The following ADAM22 variants were observed in gnomAD, a reference collection of about 807,000 sequenced individuals.
ADAM22 encodes disintegrin and metalloproteinase domain-containing protein 22.
In ADAM22, 65 loss-of-function variants were observed where a neutral mutation model predicts 144.6. That is an observed-to-expected ratio of 0.45 (90% CI 0.37 to 0.55). The LOEUF is 0.55. ADAM22 is among the 20% of genes least tolerant of loss of function. ADAM22 has a pLI of 0.00. For synonymous variants in ADAM22, 391 were observed against 412.6 expected (o/e 0.95, Z 0.63); for missense variants, 974 against 1,184.9 (o/e 0.82, Z 2.61).
At chr7:87,972,292 G>A (rs1850654205) in intron 2 of ADAM22, among the ~76,000 whole-genome samples, 1 of 151,272 alleles carries the variant, frequency 6.6e-6, no homozygotes, top group African/African-American at 2.4e-5. Context: ...ACCAATAACA[G>A]ACAAACAGAG....
intron 5 of ADAM22, among the ~76,000 whole-genome samples, chr7:88,112,426 A>C (rs1486331725): frequency 6.6e-6 from 1 of 152,260 alleles, no homozygotes; most frequent in East Asian, 1.9e-4. Flanking sequence ...GACAAATACT[A>C]GTTTATGTTT....
intron 3 of ADAM22, among the ~76,000 whole-genome samples, chr7:88,001,644 G>A (rs1032995640): frequency 6.6e-6 from 1 of 151,950 alleles, no homozygotes; most frequent in African/African-American, 2.4e-5. Context: ...CAAAATGAGA[G>A]GATGGCATTT....
rs1348498072 is a variant in ADAM22, at chr7:88,039,956, C to A, written c.324-35670C>A. On this transcript the variant is annotated intron_variant, in intron 3 of 31. Coordinates refer to ENST00000413139, the MANE Select transcript of ADAM22 (RefSeq NM_001324418.2). ...CTCTCTAAATGTAGACATATCCAAGCCTGAGTCAGTGTCCTTTTCACTCTC... is the reference window on the plus strand; with the variant it reads ...CTCTCTAAATGTAGACATATCCAAGACTGAGTCAGTGTCCTTTTCACTCTC... Among the ~76,000 whole-genome samples the A allele has an allele frequency of 1.3e-5, 2 of 151,762 alleles. 1 individual carries two copies. The highest frequency in any genetic ancestry group is 2.9e-5 in the Non-Finnish European group (2 of 67,848).
chr7:88,148,823 A>T (rs1445666337), intron 17 of ADAM22, among the ~76,000 whole-genome samples, 154 bp from the exon 18 acceptor site: 2 of 152,098 alleles, frequency 1.3e-5, no homozygotes, highest in African/African-American at 4.8e-5. Context: ...TTAAAATAAA[A>T]TTTTTTTCAG....
intron 3 of ADAM22, among the ~76,000 whole-genome samples, chr7:88,001,200 T>C (rs1792471733): frequency 1.3e-5 from 2 of 152,240 alleles, no homozygotes; most frequent in African/African-American, 4.8e-5. Context: ...GTTTGGATTT[T>C]AAATTTTTTC....
chr7:87,935,275 T>C, intron 2 of ADAM22, 89 bp downstream of exon 2: 1 of 1,388,260 alleles, frequency 7.2e-7, no homozygotes, highest in Non-Finnish European at 9.5e-7. Context: ...GGAGATCCCA[T>C]GTCTTCTTGG....
Position 88,163,003 on chromosome 7 carries a change from T to A in ADAM22, c.1908-9T>A. The A allele has an allele frequency of 6.2e-7, 1 of 1,602,072 alleles. No homozygotes were observed. The highest frequency in any genetic ancestry group is 8.5e-7 in the Non-Finnish European group (1 of 1,176,388). On this transcript the variant is annotated splice_polypyrimidine_tract_variant and intron_variant, in intron 22 of 31. Coordinates refer to ENST00000413139, the MANE Select transcript of ADAM22 (RefSeq NM_001324418.2). ...ATAGATTCATTTTTTGCTCTCAATTTGTTTTTAGTGGTGGGCATGTTAAGC... is the reference window on the plus strand; with the variant it reads ...ATAGATTCATTTTTTGCTCTCAATTAGTTTTTAGTGGTGGGCATGTTAAGC...
chr7:88,175,279 C>T (rs1845354894), intron 26 of ADAM22, among the ~76,000 whole-genome samples: 1 of 151,994 alleles, frequency 6.6e-6, no homozygotes, highest in African/African-American at 2.4e-5. Context: ...GAGTTGTCTT[C>T]TGAAGTGGAA....
At position 88,184,366 on chromosome 7, in the gene ADAM22, G is replaced by C. The variant is rs1005614722; in HGVS notation, c.2664-2249G>C. Reference sequence around the variant, plus strand: ...CCATCCCAAGGCATAAGCCCAGGGGGCTCTGACAGCCCCCAGACAGGGAGT... The same window carrying C: ...CCATCCCAAGGCATAAGCCCAGGGGCCTCTGACAGCCCCCAGACAGGGAGT... On this transcript the variant is annotated intron_variant, in intron 29 of 31. Coordinates refer to ENST00000413139, the MANE Select transcript of ADAM22 (RefSeq NM_001324418.2). 6 of 437,740 alleles carry C rather than the reference G, an allele frequency of 1.4e-5. No homozygotes were observed. The Admixed American group carries it at 1.5e-4, about 11-fold the overall frequency. 27.1% of individuals were successfully genotyped at this position (437,740 alleles called of 1,614,324 possible).
chr7:88,193,864 G>C (rs143987790), intron 31 of ADAM22, among the ~76,000 whole-genome samples: 22 of 152,324 alleles, frequency 1.4e-4, no homozygotes, highest in Non-Finnish European at 2.9e-4. Context: ...GTGATTCAAG[G>C]TAAACGTGGA....
chr7:87,972,806 G>T (rs1197223859), intron 2 of ADAM22, among the ~76,000 whole-genome samples: 1 of 152,130 alleles, frequency 6.6e-6, no homozygotes, highest in African/African-American at 2.4e-5. Flanking sequence ...ACAACTATCT[G>T]ATCTTTGACA....
At chr7:88,106,317 C>T (rs573463297) in intron 4 of ADAM22, among the ~76,000 whole-genome samples, 216 of 152,292 alleles carry the variant, frequency 1.4e-3, no homozygotes, top group South Asian at 6.0e-3. Flanking sequence ...GCATTGTGTA[C>T]CATTTTACCT....
chr7:88,008,651 C>CA (rs1374029631), intron 3 of ADAM22, among the ~76,000 whole-genome samples: 2 of 151,038 alleles, frequency 1.3e-5, no homozygotes, highest in Non-Finnish European at 3.0e-5. Flanking sequence ...ATCGCAAGGA[C>CA]AAAAAACCAA....
chr7:88,120,579 T>A (rs1829044184), intron 7 of ADAM22, among the ~76,000 whole-genome samples: 1 of 152,240 alleles, frequency 6.6e-6, no homozygotes, highest in African/African-American at 2.4e-5. Flanking sequence ...ATTTTTCTTG[T>A]GATTAATGAT....
At chr7:88,127,641 A>T (rs987670610) in intron 8 of ADAM22, among the ~76,000 whole-genome samples, 1 of 151,814 alleles carries the variant, frequency 6.6e-6, no homozygotes, top group Non-Finnish European at 1.5e-5. Context: ...GACAAAATCC[A>T]TGTGGGAGCA....
At chr7:88,135,548 A>G (rs909285754) in intron 13 of ADAM22, among the ~76,000 whole-genome samples, 23 of 152,110 alleles carry the variant, frequency 1.5e-4, no homozygotes, top group African/African-American at 5.3e-4. Flanking sequence ...CTAACCAATA[A>G]TATATTACAC....
chr7:88,028,636 A>G (rs930641852), intron 3 of ADAM22, among the ~76,000 whole-genome samples: 1 of 151,954 alleles, frequency 6.6e-6, no homozygotes, highest in Admixed American at 6.6e-5. Context: ...GCTCTAATAT[A>G]TATTTCTTAA....
Position 88,178,989 on chromosome 7 carries a change from T to A in ADAM22, c.2355T>A (p.Tyr785Ter), listed in dbSNP as rs1186986634. The A allele has an allele frequency of 3.7e-6, 6 of 1,613,336 alleles. No individual in the cohort carries two copies. The highest frequency in any genetic ancestry group is 5.1e-6 in the Non-Finnish European group (6 of 1,179,454). Residue 785 changes from tyrosine (Y) to a stop codon, truncating the protein, a stop_gained, in exon 27 of 32, where the codon TAT becomes TAA. Transcript: ENST00000413139. LOFTEE classifies it high-confidence loss of function. ...AGCCTGGAGATGGTGACTCTTTTTA[T>A]AGCGACATTCCTCCCGGAGTCAGCA... ...VKKPGDGDSF[Y>*]SDIPPGVSTN... is the part of the protein sequence containing the mutation.
chr7:87,956,453 G>GAT (rs1326274930), intron 2 of ADAM22, among the ~76,000 whole-genome samples: 1 of 152,174 alleles, frequency 6.6e-6, no homozygotes, highest in Non-Finnish European at 1.5e-5. Context: ...GGTTTATTGA[G>GAT]ATATAATTCA....
Sources: allele counts gnomAD v4.1 joint callset (sites outside exome capture counted in the v4.1 genomes callset), GRCh38; gene constraint gnomAD v4.1.1; transcripts MANE v1.5; gene names NCBI Gene and HGNC (gene_info 2026-07-23, HGNC 2026-07-21).